KLHDC1: variants seen among roughly 807,000 people sequenced by gnomAD.
KLHDC1 encodes the protein kelch domain-containing protein 1.
KLHDC1 carries 53 observed loss-of-function variants against 68.3 expected under a neutral mutation model. That is an observed-to-expected ratio of 0.78 (90% CI 0.62 to 0.98). KLHDC1 has a LOEUF of 0.98. Ranked by LOEUF, KLHDC1 falls within the 50% of genes least tolerant of loss-of-function variation. The probability of loss-of-function intolerance (pLI) is 0.00; values close to 1 mark genes in which losing one functional copy is unlikely to be tolerated. For synonymous variants in KLHDC1, 148 were observed against 159.0 expected (o/e 0.93, Z 0.52); for missense variants, 470 against 492.3 (o/e 0.95, Z 0.43).
At chr14:49,727,416 G>C (rs1257865529) in intron 6 of KLHDC1, among the ~76,000 whole-genome samples, 2 of 152,084 alleles carry the variant, frequency 1.3e-5, no homozygotes, top group Admixed American at 6.6e-5. Flanking sequence ...TACCAGAATT[G>C]AACAGAGTGG....
At position 49,715,757 on chromosome 14, in the gene KLHDC1, A is replaced by AT. The variant is rs1206512681; in HGVS notation, c.404+5376_404+5377insT. 1.1e-4 allele frequency among the ~76,000 whole-genome samples: 13 copies of AT among 123,582 alleles called. No homozygotes were observed. In the East Asian group the frequency reaches 1.8e-3, roughly 17 times the overall value. The allele number at this position is 123,582 out of a possible 152,430, so 81.1% of individuals were successfully genotyped here. ...TCTGTCTCAAAAAAAAAAAAAAAAA[A>AT]AAAAAAAAATATATATATATATATA... On this transcript the variant is annotated intron_variant, in intron 4 of 12. Transcript: ENST00000359332.
intron 4 of KLHDC1, among the ~76,000 whole-genome samples, chr14:49,711,628 G>C (rs181249175): frequency 6.6e-6 from 1 of 152,194 alleles, no homozygotes; most frequent in African/African-American, 2.4e-5. Flanking sequence ...GTGAGCCACT[G>C]CGCCTGGCCT....
intron 1 of KLHDC1, among the ~76,000 whole-genome samples, chr14:49,698,993 T>A (rs951270601): frequency 2.0e-5 from 3 of 151,172 alleles, no homozygotes; most frequent in Non-Finnish European, 4.4e-5. Flanking sequence ...CGAAACCCCG[T>A]CTCTATTAAA....
chr14:49,723,019 G>A (rs543177779), intron 4 of KLHDC1, among the ~76,000 whole-genome samples: 92 of 149,616 alleles, frequency 6.1e-4, no homozygotes, highest in Non-Finnish European at 1.1e-3. Flanking sequence ...CCCGGGAGGC[G>A]GAGGTTGCCT....
intron 4 of KLHDC1, among the ~76,000 whole-genome samples, chr14:49,716,316 A>G (rs1888375434): frequency 6.6e-6 from 1 of 152,050 alleles, no homozygotes; most frequent in Non-Finnish European, 1.5e-5. Context: ...AAAAGAAACC[A>G]GTAACAATGA....
chr14:49,743,186 C>T (rs1178091073), intron 11 of KLHDC1, among the ~76,000 whole-genome samples: 2 of 151,192 alleles, frequency 1.3e-5, no homozygotes, highest in African/African-American at 2.4e-5. Flanking sequence ...CACCTGAGGT[C>T]AGGAGTTCGA....
At chr14:49,713,278 A>G (rs1264342049) in intron 4 of KLHDC1, among the ~76,000 whole-genome samples, 2 of 152,150 alleles carry the variant, frequency 1.3e-5, no homozygotes, top group Non-Finnish European at 2.9e-5. Flanking sequence ...TTTAGACATT[A>G]GTAGGCACAT....
intron 12 of KLHDC1, among the ~76,000 whole-genome samples, chr14:49,745,371 A>G (rs1451726002): frequency 6.6e-6 from 1 of 152,152 alleles, no homozygotes; most frequent in Non-Finnish European, 1.5e-5. Flanking sequence ...TGTGGCCTGC[A>G]CTTTGGATTG....
At chr14:49,693,316 AGACTCGCGCCGGGAGACCCTCGGCCTG>A in intron 1 of KLHDC1, 26 bp downstream of exon 1, 1 of 1,434,020 alleles carries the variant, frequency 7.0e-7, no homozygotes, top group Non-Finnish European at 9.3e-7. Context: ...GGGACGGGGT[AGACTCGCGCCGGGAGACCCTCGGCCTG>A]AGCGGACGCA....
chr14:49,716,929 C>T (rs1483098566), intron 4 of KLHDC1, among the ~76,000 whole-genome samples: 2 of 152,186 alleles, frequency 1.3e-5, no homozygotes, highest in African/African-American at 2.4e-5. Flanking sequence ...TAATAATTTA[C>T]GAATAAGCAG....
At chr14:49,717,270 T>G (rs933845446) in intron 4 of KLHDC1, among the ~76,000 whole-genome samples, 1 of 152,186 alleles carries the variant, frequency 6.6e-6, no homozygotes, top group South Asian at 2.1e-4. Context: ...TATGTTTAAG[T>G]TTTTGAGGAA....
At chr14:49,697,355 C>T (rs969520796) in intron 1 of KLHDC1, among the ~76,000 whole-genome samples, 22 of 152,180 alleles carry the variant, frequency 1.4e-4, no homozygotes, top group Non-Finnish European at 2.6e-4. Context: ...GTTAAGTTCA[C>T]CATCCTATAC....
rs545551313 is a variant in KLHDC1, at chr14:49,739,024, C to T, written c.897-1074C>T. On this transcript the variant is annotated intron_variant, in intron 10 of 12. Transcript: ENST00000359332. ...CAAACAGCTAAAGTAGCATGCAGAG[C>T]AGTTCTTCTTCAAATGTAAGTGAGG... 9.2e-5 allele frequency among the ~76,000 whole-genome samples: 14 copies of T among 152,312 alleles called. No individual in the cohort carries two copies. The South Asian group carries it at 2.7e-3, about 29-fold the overall frequency.
intron 6 of KLHDC1, among the ~76,000 whole-genome samples, 177 bp from the exon 7 acceptor site, chr14:49,728,749 A>C (rs1265504629): frequency 6.6e-6 from 1 of 152,264 alleles, no homozygotes; most frequent in Non-Finnish European, 1.5e-5. Flanking sequence ...TATTCTGACA[A>C]ATAGTATTTG....
At chr14:49,721,823 C>G (rs937562726) in intron 4 of KLHDC1, among the ~76,000 whole-genome samples, 7 of 152,106 alleles carry the variant, frequency 4.6e-5, no homozygotes, top group Non-Finnish European at 1.5e-5. Flanking sequence ...TCTCTTTGCT[C>G]TCTGATCCCA....
chr14:49,742,682 AAAAAAAAAAG>A (rs1441900070), intron 11 of KLHDC1, among the ~76,000 whole-genome samples: 1 of 125,600 alleles, frequency 8.0e-6, no homozygotes, highest in East Asian at 2.4e-4. Context: ...TAAAAAAAAA[AAAAAAAAAAG>A]AGAATTCCCG....
At chr14:49,750,660 G>T (rs936230083) in intron 12 of KLHDC1, among the ~76,000 whole-genome samples, 4 of 152,104 alleles carry the variant, frequency 2.6e-5, no homozygotes, top group Non-Finnish European at 5.9e-5. Context: ...TTATTTTTTT[G>T]AATTAAAGTT....
At chr14:49,739,461 G>A (rs1383144623) in intron 10 of KLHDC1, among the ~76,000 whole-genome samples, 4 of 152,158 alleles carry the variant, frequency 2.6e-5, no homozygotes, top group African/African-American at 7.2e-5. Context: ...AGGGAGATGA[G>A]AGACTGAAAA....
intron 4 of KLHDC1, among the ~76,000 whole-genome samples, chr14:49,714,746 G>A (rs112651156): frequency 0.036 from 5,464 of 151,082 alleles, 332 homozygotes; most frequent in African/African-American, 0.12. Context: ...TATATTATTT[G>A]ACTCAAATAC....
Sources: gnomAD v4.1 joint callset for allele counts (sites outside exome capture counted in the v4.1 genomes callset) on GRCh38, gnomAD v4.1.1 for gene constraint, MANE v1.5 for transcripts, NCBI Gene and HGNC (gene_info 2026-07-23, HGNC 2026-07-21) for gene names.